The following C4orf50 variants were observed in gnomAD, a reference collection of about 807,000 sequenced individuals.
C4orf50 encodes chromosome 4 open reading frame 50, also known as uncharacterized protein C4orf50.
C4orf50 carries 80 observed loss-of-function variants against 77.2 expected under a neutral mutation model. The ratio of observed to expected loss-of-function variants is 1.04; its 90% CI spans 0.87 to 1.25. The LOEUF (loss-of-function observed/expected upper bound fraction) is 1.25. Ranked by LOEUF, C4orf50 falls within the 50% of genes most tolerant of loss-of-function variation. The pLI is 0.00. For missense variants in C4orf50, 1,257 were observed against 1,152.9 expected, an observed-to-expected ratio of 1.09 and a Z score of -1.31; for synonymous variants, 532 against 465.3, an observed-to-expected ratio of 1.14 and a Z score of -1.84.
chr4:5,979,982 G>A (rs1032742178), intron 29 of C4orf50, among the ~76,000 whole-genome samples, 192 bp downstream of exon 7: 2 of 152,094 alleles, frequency 1.3e-5, no homozygotes, highest in African/African-American at 4.8e-5. Flanking sequence ...AAATTTAACA[G>A]GGAAGCAATC....
At chr4:5,987,070 G>A (rs991635343) in intron 28 of C4orf50, among the ~76,000 whole-genome samples, 1 of 152,040 alleles carries the variant, frequency 6.6e-6, no homozygotes, top group African/African-American at 2.4e-5. Context: ...TTCAACACAA[G>A]CAGCAAGAAA....
intron 25 of C4orf50, among the ~76,000 whole-genome samples, chr4:6,001,886 C>T (rs564222233): frequency 1.3e-5 from 2 of 152,330 alleles, no homozygotes; most frequent in South Asian, 4.1e-4. Flanking sequence ...CCCAGCCCTG[C>T]CCTTGGGAGG....
In C4orf50 at chr4:5,905,838, G is replaced by A. The variant is rs1468902134; in HGVS notation, c.*2475-7650C>T. Among the ~76,000 whole-genome samples, 2 of 152,004 alleles carry A rather than the reference G, an allele frequency of 1.3e-5. No individual in the cohort carries two copies. Among genetic ancestry groups the A allele is most frequent in the East Asian group, 3.9e-4 (2 of 5,186 alleles). On this transcript the variant is annotated intron_variant, in intron 7 of 7. Transcript: ENST00000324058. The surrounding 1 kb of genome is among the most constrained non-coding windows in gnomAD (Gnocchi z 5.4). Reference sequence around the variant, plus strand: ...AAGAAAGACAAACTGGGGTGCTCTGGGATGTCGTCATTTGTTCGTCCAACA... The same window carrying A: ...AAGAAAGACAAACTGGGGTGCTCTGAGATGTCGTCATTTGTTCGTCCAACA...
At chr4:6,003,943 GTGATGA>G (rs1722009438) in intron 25 of C4orf50, among the ~76,000 whole-genome samples, 104 of 2,116 alleles carry the variant, frequency 0.049, no homozygotes, top group African/African-American at 0.15. Flanking sequence ...GATGGTGATG[GTGATGA>G]TGGTGATGGT....
chr4:6,001,274 C>A (rs1334139830), intron 25 of C4orf50, among the ~76,000 whole-genome samples: 1 of 152,150 alleles, frequency 6.6e-6, no homozygotes, highest in Non-Finnish European at 1.5e-5. Context: ...CTCAGCCTCC[C>A]GAGTAGCTGG....
chr4:6,004,225 TGTGATGGTGATGA>T (rs1722079188), intron 25 of C4orf50, among the ~76,000 whole-genome samples: 12 of 33,122 alleles, frequency 3.6e-4, no homozygotes, highest in African/African-American at 8.6e-4. Context: ...ATGGTGATGA[TGTGATGGTGATGA>T]TGATGGTGAT....
At chr4:5,999,502 C>T (rs1010824358) in intron 25 of C4orf50, among the ~76,000 whole-genome samples, 1 of 152,178 alleles carries the variant, frequency 6.6e-6, no homozygotes, top group African/African-American at 2.4e-5. Context: ...CCACCATTTC[C>T]CCATTTCTAT....
Position 5,965,279 on chromosome 4 carries a change from C to A in C4orf50, c.4154-134G>T, listed in dbSNP as rs537327052. ...CATTCCCAGTTTCCATGCCCCGGGG[C>A]AGAGGTCCTCTCAGATGCCTTTGAG... is the stretch of plus-strand genomic sequence containing the variant. On this transcript the variant is annotated intron_variant, in intron 32 of 33. Transcript: ENST00000531445. The A allele has an allele frequency of 8.8e-6, 7 of 798,552 alleles. No individual in the cohort carries two copies. In the East Asian group the frequency reaches 1.6e-4, roughly 18 times the overall value. The allele number at this position is 798,552 out of a possible 1,614,324, so 49.5% of individuals were successfully genotyped here. A position where few individuals can be genotyped will look rare whatever the true frequency, so the allele number is the denominator to read the frequency against.
intron 7 of C4orf50, among the ~76,000 whole-genome samples, chr4:5,944,128 G>A (rs901365336): frequency 8.5e-5 from 13 of 152,164 alleles, no homozygotes; most frequent in Non-Finnish European, 1.5e-4. Context: ...CAATACCTGC[G>A]CTCTGGGCAT....
Position 5,916,237 on chromosome 4 carries a change from G to C in C4orf50, c.*2475-18049C>G, listed in dbSNP as rs938390178. Among the ~76,000 whole-genome samples, 6 of 152,206 alleles carry C rather than the reference G, an allele frequency of 3.9e-5. No homozygotes were observed. Among genetic ancestry groups the C allele is most frequent in the African/African-American group, 1.2e-4 (5 of 41,450 alleles). ...GGAACAGACGCACCAACAGCTCCTGGTTACTCTGGGGGGCCCATGCACAGA... is the reference window on the plus strand; with the variant it reads ...GGAACAGACGCACCAACAGCTCCTGCTTACTCTGGGGGGCCCATGCACAGA... On this transcript the variant is annotated intron_variant, in intron 7 of 7. Transcript: ENST00000324058. This position sits in a 1 kb window ranked among gnomAD's most constrained non-coding sequence, Gnocchi z 4.4.
In C4orf50 at chr4:6,008,304, G is replaced by T; in HGVS notation, c.655C>A (p.Leu219Met). The stretch of plus-strand genomic sequence containing the variant: ...GCCGCGGTGTCCCACTGGGCCAGCA[G>T]GAGGCCCGCGGCGCGGCAGAGGCGC... The change falls in exon 25 of 34, where the codon CTG becomes ATG. Residue 219 changes from leucine (L) to methionine (M), a missense_variant. Physicochemically the swap from Leu to Met is conservative, Grantham distance 15. Transcript: ENST00000531445. The surrounding 1 kb of genome is among the most constrained non-coding windows in gnomAD (Gnocchi z 6.0). The T allele has an allele frequency of 2.6e-6, 1 of 389,258 alleles. No individual in the cohort carries two copies. Among genetic ancestry groups the T allele is most frequent in the Non-Finnish European group, 4.5e-6 (1 of 220,106 alleles). The allele number at this position is 389,258 out of a possible 1,614,324, so 24.1% of individuals were successfully genotyped here.
At chr4:5,933,884 G>A (rs1717881246) in intron 7 of C4orf50, among the ~76,000 whole-genome samples, 2 of 152,286 alleles carry the variant, frequency 1.3e-5, no homozygotes, top group Middle Eastern at 3.4e-3. Flanking sequence ...TGACAAGACT[G>A]TTGGGGAGAG....
intron 7 of C4orf50, among the ~76,000 whole-genome samples, chr4:5,909,562 GT>G (rs1208704491): frequency 1.3e-5 from 2 of 152,174 alleles, no homozygotes; most frequent in African/African-American, 2.4e-5. Flanking sequence ...CACTTTTAAA[GT>G]CTTATCTATA....
chr4:5,998,919 C>T (rs1350448427), intron 25 of C4orf50, among the ~76,000 whole-genome samples: 2 of 152,236 alleles, frequency 1.3e-5, no homozygotes, highest in Non-Finnish European at 2.9e-5. Flanking sequence ...AGCAGAAACC[C>T]TGTCCCCAAA....
intron 23 of C4orf50, among the ~76,000 whole-genome samples, chr4:6,013,225 T>G (rs1256911875): frequency 6.6e-6 from 1 of 152,154 alleles, no homozygotes; most frequent in Non-Finnish European, 1.5e-5. Context: ...GTCTCAAGGG[T>G]GGCAGACCAG....
intron 7 of C4orf50, among the ~76,000 whole-genome samples, chr4:5,920,437 G>A (rs976626400): frequency 2.0e-5 from 3 of 150,676 alleles, no homozygotes; most frequent in Admixed American, 6.6e-5. Context: ...TGTGATGATT[G>A]TCTCAGCATG....
chr4:5,953,841 G>A (rs1330040112), downstream of C4orf50, among the ~76,000 whole-genome samples: 9 of 152,244 alleles, frequency 5.9e-5, no homozygotes, highest in South Asian at 2.1e-4. Context: ...AAAGATGCCC[G>A]TTCCAGGTGG....
chr4:6,004,045 ATGG>A (rs1560598407), intron 25 of C4orf50, among the ~76,000 whole-genome samples: 548 of 97,628 alleles, frequency 5.6e-3, no homozygotes, highest in Middle Eastern at 0.01. Flanking sequence ...GATGATGGTG[ATGG>A]TGATGATGGT....
chr4:5,980,919 C>G (rs16838003), intron 28 of C4orf50, among the ~76,000 whole-genome samples: 1 of 152,046 alleles, frequency 6.6e-6, no homozygotes, highest in Non-Finnish European at 1.5e-5. Flanking sequence ...ATGAGATTAG[C>G]GGGTTTCATT....
Sources: allele counts gnomAD v4.1 joint callset (sites outside exome capture counted in the v4.1 genomes callset), GRCh38; gene constraint gnomAD v4.1.1; non-coding constraint Gnocchi (gnomAD v3.1); transcripts MANE v1.5; gene names NCBI Gene and HGNC (gene_info 2026-07-23, HGNC 2026-07-21).